Variants in IL27 observed in about 807,000 individuals in gnomAD.
IL27 encodes interleukin-27 subunit alpha.
Under a neutral mutation model 27.0 loss-of-function variants are expected in IL27, and 11 were observed. The ratio of observed to expected loss-of-function variants is 0.41; its 90% CI spans 0.26 to 0.67. The LOEUF is 0.67. IL27 is among the 30% of genes least tolerant of loss of function. The pLI, the probability that IL27 is intolerant of heterozygous loss-of-function variation, is 0.34. For synonymous variants in IL27, 134 were observed against 140.6 expected (o/e 0.95, Z 0.33); for missense variants, 299 against 310.4 (o/e 0.96, Z 0.28).
intron 1 of IL27, 100 bp downstream of exon 1, chr16:28,506,681 G>A: frequency 8.2e-7 from 1 of 1,219,480 alleles, no homozygotes; most frequent in East Asian, 2.6e-5. Context: ...TCTTGGCCAA[G>A]TTGCTGCTCT....
At position 28,506,812 on chromosome 16, in the gene IL27, G is replaced by A. The variant is rs1430879739; in HGVS notation, c.-1C>T. The A allele has an allele frequency of 1.9e-6, 3 of 1,611,896 alleles. No homozygotes were observed. The highest frequency in any genetic ancestry group is 2.5e-6 in the Non-Finnish European group (3 of 1,179,026). On this transcript the variant is annotated 5_prime_UTR_variant, in exon 1 of 5. Transcript: ENST00000356897. ...CAAGGTCGCCTGCCGTCTGGCCCAT[G>A]GCGGGGCCCAGCCTCTTTGGTCAGC...
intron 1 of IL27, among the ~76,000 whole-genome samples, chr16:28,505,633 C>T (rs1190267826): frequency 6.6e-6 from 1 of 152,122 alleles, no homozygotes. Context: ...TGGCTGAATT[C>T]CGAGTGTGCT....
At position 28,501,961 on chromosome 16, in the gene IL27, G is replaced by T. The variant is rs747438921; in HGVS notation, c.462+15C>A. The T allele has an allele frequency of 3.1e-6, 5 of 1,597,418 alleles. No homozygotes were observed. In the South Asian group the frequency reaches 4.4e-5, roughly 14 times the overall value. ...CCCACGTGGTCTGGGGTGGTGGAGG[G>T]TGGCCGGGCTCTACCTGGAAGCGGA... On this transcript the variant is annotated intron_variant, in intron 4 of 4. Coordinates refer to ENST00000356897, the MANE Select transcript of IL27 (RefSeq NM_145659.3).
Position 28,503,993 on chromosome 16 carries a change from G to A in IL27, c.89C>T (p.Pro30Leu). 6.2e-7 allele frequency: 1 copy of A among 1,613,852 alleles called. No individual in the cohort carries two copies. The highest frequency in any genetic ancestry group is 8.5e-7 in the Non-Finnish European group (1 of 1,179,816). The change falls in exon 2 of 5, where the codon CCA becomes CTA. Residue 30 changes from proline to leucine, a missense_variant. By Grantham distance (98) the Pro-to-Leu change is moderately conservative. Coordinates refer to ENST00000356897, the MANE Select transcript of IL27 (RefSeq NM_145659.3). ...LLVQAGVWGF[P>L]RPPGRPQLSL... ...CAGCTGGGGCCTCCCTGGGGGCCTT[G>A]GGAATCCCCAGACACCAGCTTGAAC... is the stretch of plus-strand genomic sequence containing the variant.
At chr16:28,500,422 G>A (rs754048054) in intron 4 of IL27, among the ~76,000 whole-genome samples, 5 of 151,974 alleles carry the variant, frequency 3.3e-5, no homozygotes, top group Non-Finnish European at 5.9e-5. Context: ...CTACAGACGC[G>A]CACCACCACG....
intron 1 of IL27, among the ~76,000 whole-genome samples, chr16:28,505,748 A>G (rs577484422): frequency 2.0e-5 from 3 of 152,268 alleles, no homozygotes; most frequent in East Asian, 3.9e-4. Flanking sequence ...TAGCAAGCAC[A>G]AGAGTTACAC....
chr16:28,503,941 G>A lies in IL27; in HGVS notation c.141C>T (p.Phe47=). 6.2e-7 allele frequency: 1 copy of A among 1,614,186 alleles called. No homozygotes were observed. The highest frequency in any genetic ancestry group is 2.2e-5 in the East Asian group (1 of 44,886). ...TCCTGGCGAGATGCAGGCTGACTGT[G>A]AACTCCCTCCGCAGCTCCTGCAGGC... ...QLSLQELRRE[F]TVSLHLARKL... The change falls in exon 2 of 5, where the codon TTC becomes TTT. Residue 47 remains phenylalanine, a synonymous_variant. Coordinates refer to ENST00000356897, the MANE Select transcript of IL27 (RefSeq NM_145659.3).
In IL27 at chr16:28,499,775, G is replaced by T. The variant is rs765249822; in HGVS notation, c.608C>A (p.Thr203Asn). Residue 203 changes from threonine to asparagine, a missense_variant, in exon 5 of 5, where the codon ACC becomes AAC. Physicochemically the swap from Thr to Asn is moderately conservative, Grantham distance 65 (BLOSUM62 0). Coordinates refer to ENST00000356897, the MANE Select transcript of IL27 (RefSeq NM_145659.3). ...AQVSWPQLLS[T>N]YRLLHSLELV... is the part of the protein sequence containing the mutation. The stretch of plus-strand genomic sequence containing the variant: ...CTCCAAGGAGTGCAGCAGGCGGTAG[G>T]TGGAGAGGAGCTGGGGCCAGGACAC... The T allele has an allele frequency of 6.2e-7, 1 of 1,612,332 alleles. No homozygotes were observed. Among genetic ancestry groups the T allele is most frequent in the South Asian group, 1.1e-5 (1 of 90,692 alleles).
chr16:28,506,629 T>A, intron 1 of IL27, 152 bp downstream of exon 1: 3 of 758,486 alleles, frequency 4.0e-6, no homozygotes, highest in Non-Finnish European at 6.5e-6. Flanking sequence ...CACCCAGTCA[T>A]GCCAGCCTCC....
At position 28,502,106 on chromosome 16, in the gene IL27, G is replaced by A. The variant is rs1230495814; in HGVS notation, c.332C>T (p.Thr111Ile). Reference sequence around the variant, plus strand: ...CAGGGCATGGAAGGGCTGAAGCGTGGTGGAGATGAAGCAGAGACGCTCCGG... The same window carrying A: ...CAGGGCATGGAAGGGCTGAAGCGTGATGGAGATGAAGCAGAGACGCTCCGG... ...SDPERLCFIS[T>I]TLQPFHALLG... The change falls in exon 4 of 5, where the codon ACC becomes ATC. Residue 111 changes from threonine to isoleucine, a missense_variant. Physicochemically the swap from Thr to Ile is moderately conservative, Grantham distance 89. Coordinates refer to ENST00000356897, the MANE Select transcript of IL27 (RefSeq NM_145659.3). The A allele has an allele frequency of 3.7e-6, 6 of 1,612,626 alleles. No individual in the cohort carries two copies. The highest frequency in any genetic ancestry group is 5.1e-6 in the Non-Finnish European group (6 of 1,179,378).
intron 4 of IL27, among the ~76,000 whole-genome samples, chr16:28,500,732 C>T (rs967464307): frequency 3.3e-5 from 5 of 152,202 alleles, no homozygotes; most frequent in African/African-American, 7.2e-5. Flanking sequence ...CCCGAGTGAC[C>T]TCACAGCCCA....
intron 1 of IL27, among the ~76,000 whole-genome samples, chr16:28,504,316 A>G (rs1380476676): frequency 6.6e-6 from 1 of 152,104 alleles, no homozygotes; most frequent in East Asian, 1.9e-4. Flanking sequence ...TGTCTCTACT[A>G]AAAATACAAA....
rs1368473861 is a variant in IL27, at chr16:28,502,016, C to G, written c.422G>C (p.Arg141Thr). Reference protein sequence around the residue: ...NMERMQLWAMRLDLRDLQRHL... With the variant: ...NMERMQLWAMTLDLRDLQRHL... Reference sequence around the variant, plus strand: ...CCGCTGCAGATCGCGGAGGTCCAGCCTCATGGCCCACAGCTGCATCCTCTC... The same window carrying G: ...CCGCTGCAGATCGCGGAGGTCCAGCGTCATGGCCCACAGCTGCATCCTCTC... The change falls in exon 4 of 5, where the codon AGG becomes ACG. Residue 141 changes from arginine (R) to threonine (T), a missense_variant. By Grantham distance (71) the Arg-to-Thr change is moderately conservative. Transcript: ENST00000356897. 6.2e-7 allele frequency: 1 copy of G among 1,612,138 alleles called. No individual in the cohort carries two copies. The highest frequency in any genetic ancestry group is 8.5e-7 in the Non-Finnish European group (1 of 1,179,916).
chr16:28,504,472 CA>C (rs917788474), intron 1 of IL27, among the ~76,000 whole-genome samples: 7 of 139,414 alleles, frequency 5.0e-5, no homozygotes, highest in African/African-American at 1.6e-4. Context: ...GACTCTGTCT[CA>C]AAAAAACAAA....
At chr16:28,506,260 C>T (rs1343724653) in intron 1 of IL27, among the ~76,000 whole-genome samples, 1 of 152,196 alleles carries the variant, frequency 6.6e-6, no homozygotes, top group African/African-American at 2.4e-5. Context: ...GGCATGTTAC[C>T]TTCTCCACTG....
In IL27 at chr16:28,503,797, G is replaced by C; in HGVS notation, c.205-4C>G. On this transcript the variant is annotated splice_region_variant and splice_polypyrimidine_tract_variant and intron_variant, in intron 2 of 4. Coordinates refer to ENST00000356897, the MANE Select transcript of IL27 (RefSeq NM_145659.3). ...CTCCTGGCAGGTGAGATTCCGCCTG[G>C]GGGGCAAGGTCTGTTAGTGGGGGCC... 3 of 1,613,144 alleles carry C rather than the reference G, an allele frequency of 1.9e-6. No individual in the cohort carries two copies. The highest frequency in any genetic ancestry group is 2.2e-5 in the South Asian group (2 of 90,976).
At chr16:28,502,383 C>A (rs916443960) in intron 3 of IL27, among the ~76,000 whole-genome samples, 26 of 152,172 alleles carry the variant, frequency 1.7e-4, no homozygotes, top group Admixed American at 7.2e-4. Context: ...AACCCACCCC[C>A]TCTCAGTCCC....
Position 28,503,695 on chromosome 16 carries a change from A to T in IL27, c.303T>A (p.Ser101=). ...CCCCACTCCACCAGCCCTCACTCAC[A>T]GAGAGGCGGCGCCAGGCCTGGAAGG... ...SLTFQAWRRL[S]DPERLCFIST... is the part of the protein sequence containing the mutation. Residue 101 remains serine (S), a splice_region_variant and synonymous_variant, in exon 3 of 5, where the codon TCT becomes TCA. Coordinates refer to ENST00000356897, the MANE Select transcript of IL27 (RefSeq NM_145659.3). 1 of 1,605,504 alleles carries T rather than the reference A, an allele frequency of 6.2e-7. No homozygotes were observed. Among genetic ancestry groups the T allele is most frequent in the Non-Finnish European group, 8.5e-7 (1 of 1,175,044 alleles).
rs1384913479 is a variant in IL27 at position 28,504,024 on chromosome 16, G to A, written c.58C>T (p.Leu20Phe). Residue 20 changes from leucine (L) to phenylalanine (F), a missense_variant, in exon 2 of 5, where the codon CTC becomes TTC. Leu to Phe is a conservative substitution (Grantham distance 22). Transcript: ENST00000356897. ...WRLSLLLLPL[L>F]LVQAGVWGFP... is the part of the protein sequence containing the mutation. Reference sequence around the variant, plus strand: ...CCCCAGACACCAGCTTGAACCAGGAGCAAGGGAAGCAGCAACAGGCTGAGC... The same window carrying A: ...CCCCAGACACCAGCTTGAACCAGGAACAAGGGAAGCAGCAACAGGCTGAGC... The A allele has an allele frequency of 6.2e-7, 1 of 1,609,890 alleles. No homozygotes were observed. Among genetic ancestry groups the A allele is most frequent in the Non-Finnish European group, 8.5e-7 (1 of 1,177,596 alleles).
Sources: allele counts gnomAD v4.1 joint callset (sites outside exome capture counted in the v4.1 genomes callset), GRCh38; gene constraint gnomAD v4.1.1; transcripts MANE v1.5; gene names NCBI Gene and HGNC (gene_info 2026-07-23, HGNC 2026-07-21).